The following USPL1 variants were observed in gnomAD, a reference collection of about 807,000 sequenced individuals.
USPL1 encodes the protein ubiquitin specific peptidase like 1, also known as SUMO-specific isopeptidase USPL1.
Under a neutral mutation model 51.5 loss-of-function variants are expected in USPL1, and 27 were observed. The observed-to-expected ratio is 0.52, with a 90% confidence interval of 0.39 to 0.72. The LOEUF (loss-of-function observed/expected upper bound fraction) is 0.72. Among genes scored for constraint, USPL1 ranks in the 30% least tolerant of loss-of-function variants. The pLI, the probability that USPL1 is intolerant of heterozygous loss-of-function variation, is 0.00. For missense variants in USPL1, 1,226 were observed against 1,268.0 expected, an observed-to-expected ratio of 0.97 and a Z score of 0.50; for synonymous variants, 451 against 459.6, an observed-to-expected ratio of 0.98 and a Z score of 0.24.
Position 30,657,644 on chromosome 13 carries a change from C to G in USPL1, c.1567C>G (p.Leu523Val), listed in dbSNP as rs763981752. Residue 523 changes from leucine (L) to valine (V), a missense_variant, in exon 9 of 9, where the codon CTC (leucine) becomes GTC (valine). Physicochemically the swap from Leu to Val is conservative, Grantham distance 32. Transcript: ENST00000255304. ...PLKKTNDQHA[L>V]SNEKPVSLTS... ...TAAAAAGACTAATGACCAACACGCT[C>G]TCAGTAATGAGAAACCAGTATCTTT... 13 of 1,614,170 alleles carry G rather than the reference C, an allele frequency of 8.1e-6. No individual in the cohort carries two copies. The highest frequency in any genetic ancestry group is 1.1e-5 in the South Asian group (1 of 91,080).
Position 30,659,009 on chromosome 13 carries a change from CCTA to C in USPL1, c.2934_2936del (p.Thr979del), listed in dbSNP as rs1951215834. ...AGAAATTTTAGCGGAATTATTGTCT[CCTA>C]CACCTGTTTCAACAGAGCTGTCAGA... is the stretch of plus-strand genomic sequence containing the variant. On this transcript the variant is annotated inframe_deletion, in exon 9 of 9. Transcript: ENST00000255304. 1.2e-6 allele frequency: 2 copies of C among 1,614,164 alleles called. No individual in the cohort carries two copies. Among genetic ancestry groups the C allele is most frequent in the African/African-American group, 2.7e-5 (2 of 75,030 alleles).
Position 30,658,543 on chromosome 13 carries a change from T to G in USPL1, c.2466T>G (p.Pro822=), listed in dbSNP as rs1376039552. 2.5e-6 allele frequency: 4 copies of G among 1,614,022 alleles called. No homozygotes were observed. The highest frequency in any genetic ancestry group is 3.4e-6 in the Non-Finnish European group (4 of 1,179,972). ...SKKARKSASK[P]PPISKPPAGP... ...AAGCTCGTAAGAGTGCAAGTAAGCCTCCTCCCATCAGTAAGCCACCAGCAG... is the reference window on the plus strand; with the variant it reads ...AAGCTCGTAAGAGTGCAAGTAAGCCGCCTCCCATCAGTAAGCCACCAGCAG... Residue 822 remains proline (P), a synonymous_variant, in exon 9 of 9, where the codon CCT becomes CCG. Coordinates refer to ENST00000255304, the MANE Select transcript of USPL1 (RefSeq NM_005800.5).
chr13:30,647,499 C>T (rs138696670), intron 7 of USPL1, among the ~76,000 whole-genome samples: 1 of 152,292 alleles, frequency 6.6e-6, no homozygotes, highest in African/African-American at 2.4e-5. Context: ...ATCTTGAAAG[C>T]TATCTAGTGG....
chr13:30,634,667 G>A (rs1950851781), intron 4 of USPL1, among the ~76,000 whole-genome samples: 1 of 152,120 alleles, frequency 6.6e-6, no homozygotes, highest in African/African-American at 2.4e-5. Flanking sequence ...GTGACCATTT[G>A]GGGGGCAAGT....
chr13:30,655,185 C>T (rs1315731075), intron 8 of USPL1, among the ~76,000 whole-genome samples: 1 of 152,236 alleles, frequency 6.6e-6, no homozygotes, highest in Non-Finnish European at 1.5e-5. Context: ...GACCCACCCG[C>T]CTCGGCCTCC....
intron 3 of USPL1, among the ~76,000 whole-genome samples, chr13:30,622,881 CTTTATG>C (rs1950662702): frequency 6.6e-6 from 1 of 150,616 alleles, no homozygotes; most frequent in African/African-American, 2.4e-5. Context: ...ATATAAATTT[CTTTATG>C]TTTATATTCA....
intron 7 of USPL1, among the ~76,000 whole-genome samples, chr13:30,652,658 T>G (rs1951105568): frequency 6.6e-6 from 1 of 152,228 alleles, no homozygotes; most frequent in Non-Finnish European, 1.5e-5. Context: ...ACAGGCCCCC[T>G]TTGCTTCCTG....
rs762697912 is a variant in USPL1, at chr13:30,621,917, T to A, written c.228+25T>A. On this transcript the variant is annotated intron_variant, in intron 3 of 8. Transcript: ENST00000255304. Reference sequence around the variant, plus strand: ...GGTAAAGTATTAATCTTATATAGTATATATAAGATTTTTCTTTTTTCTTTT... The same window carrying A: ...GGTAAAGTATTAATCTTATATAGTAAATATAAGATTTTTCTTTTTTCTTTT... The A allele has an allele frequency of 5.1e-6, 7 of 1,360,018 alleles. No individual in the cohort carries two copies. In the South Asian group the frequency reaches 9.5e-5, roughly 18 times the overall value. 84.2% of individuals were successfully genotyped at this position (1,360,018 alleles called of 1,614,324 possible).
At chr13:30,624,429 A>G (rs1950683959) in intron 3 of USPL1, among the ~76,000 whole-genome samples, 1 of 152,130 alleles carries the variant, frequency 6.6e-6, no homozygotes, top group Admixed American at 6.5e-5. Flanking sequence ...AGCCCATGCA[A>G]CATAGTGTGG....
At position 30,627,072 on chromosome 13, in the gene USPL1, A is replaced by C. The variant is rs750905781; in HGVS notation, c.229-3763A>C. ...CAAGAATAAGTACAGGAATTTACTTAAGCTGCTCCAAAACTCAGTGAAAGA... is the reference window on the plus strand; with the variant it reads ...CAAGAATAAGTACAGGAATTTACTTCAGCTGCTCCAAAACTCAGTGAAAGA... On this transcript the variant is annotated intron_variant, in intron 3 of 8. Coordinates refer to ENST00000255304, the MANE Select transcript of USPL1 (RefSeq NM_005800.5). 2.0e-5 allele frequency among the ~76,000 whole-genome samples: 3 copies of C among 152,110 alleles called. No individual in the cohort carries two copies. In the East Asian group the frequency reaches 5.8e-4, roughly 29 times the overall value.
chr13:30,625,819 C>T (rs1195866347), intron 3 of USPL1, among the ~76,000 whole-genome samples: 1 of 151,956 alleles, frequency 6.6e-6, no homozygotes, highest in Non-Finnish European at 1.5e-5. Context: ...TAAGTATATA[C>T]TTTGGAAATG....
chr13:30,659,871 T>C lies in USPL1; in HGVS notation c.*515T>C, dbSNP rs76631584. The C allele has an allele frequency of 0.17, 25,538 of 153,050 alleles. 2,697 individuals carry two copies. The highest frequency in any genetic ancestry group is 0.28 in the Middle Eastern group (84 of 296). 9.5% of individuals were successfully genotyped at this position (153,050 alleles called of 1,614,324 possible). ...CAGAAGGAGACCCACAGTGAGCAGC[T>C]CCCCTGTGTCGGCGGGCAGGTCGTC... On this transcript the variant is annotated 3_prime_UTR_variant, in exon 9 of 9. Transcript: ENST00000255304.
intron 3 of USPL1, among the ~76,000 whole-genome samples, chr13:30,627,077 G>T (rs1158157591): frequency 6.6e-6 from 1 of 151,886 alleles, no homozygotes; most frequent in Non-Finnish European, 1.5e-5. Flanking sequence ...TACTTAAGCT[G>T]CTCCAAAACT....
In USPL1 at chr13:30,658,735, T is replaced by C. The variant is rs1340346544; in HGVS notation, c.2658T>C (p.His886=). Residue 886 remains histidine (H), a synonymous_variant, in exon 9 of 9, where the codon CAT becomes CAC. Transcript: ENST00000255304. ...NHEDLVEGQI[H]KLRLKLRKKL... is the part of the protein sequence containing the mutation. ...AAGACTTGGTGGAAGGTCAGATTCA[T>C]AAACTTCGTCTAAAACTTCGTAAAA... The C allele has an allele frequency of 6.2e-7, 1 of 1,614,206 alleles. No homozygotes were observed. Among genetic ancestry groups the C allele is most frequent in the African/African-American group, 1.3e-5 (1 of 75,050 alleles).
intron 4 of USPL1, among the ~76,000 whole-genome samples, chr13:30,633,784 CAAAAAAAAAAAA>C (rs61682331): frequency 1.5e-4 from 6 of 41,264 alleles, no homozygotes; most frequent in African/African-American, 3.6e-4. Context: ...GACTCTGTCT[CAAAAAAAAAAAA>C]AAAAAAAAAA....
Position 30,621,820 on chromosome 13 carries a change from G to A in USPL1, c.156G>A (p.Lys52=). 6.3e-7 allele frequency: 1 copy of A among 1,588,290 alleles called. No individual in the cohort carries two copies. Among genetic ancestry groups the A allele is most frequent in the Non-Finnish European group, 8.6e-7 (1 of 1,169,334 alleles). ...AGTATTGCCCTGCTTGTAGAGAGAA[G>A]GGAAAGTTAAAAGCCTTAAAGACTT... The part of the protein sequence containing the change: ...SDEYCPACRE[K]GKLKALKTYR... The change falls in exon 3 of 9, where the codon AAG becomes AAA. Residue 52 remains lysine, a synonymous_variant. Transcript: ENST00000255304.
Position 30,660,101 on chromosome 13 carries a change from T to C in USPL1, c.*745T>C, listed in dbSNP as rs907264170. 1 of 152,250 alleles carries C rather than the reference T, an allele frequency of 6.6e-6. No individual in the cohort carries two copies. The highest frequency in any genetic ancestry group is 1.5e-5 in the Non-Finnish European group (1 of 68,096). The allele number at this position is 152,250 out of a possible 1,614,324, so 9.4% of individuals were successfully genotyped here. A position where few individuals can be genotyped will look rare whatever the true frequency, so the allele number is the denominator to read the frequency against. On this transcript the variant is annotated 3_prime_UTR_variant, in exon 9 of 9. Coordinates refer to ENST00000255304, the MANE Select transcript of USPL1 (RefSeq NM_005800.5). Reference sequence around the variant, plus strand: ...TGCCGTCTCTACAGGTCTCTGAAGCTCTTAGCAGAGAGGGTAGCTCCTCCC... The same window carrying C: ...TGCCGTCTCTACAGGTCTCTGAAGCCCTTAGCAGAGAGGGTAGCTCCTCCC...
chr13:30,641,966 G>T (rs1950953714), intron 5 of USPL1, among the ~76,000 whole-genome samples: 1 of 151,856 alleles, frequency 6.6e-6, no homozygotes, highest in East Asian at 1.9e-4. Context: ...GTATGCAGCG[G>T]CATGATCATA....
intron 7 of USPL1, among the ~76,000 whole-genome samples, chr13:30,651,513 C>T (rs1003008085): frequency 1.3e-5 from 2 of 152,156 alleles, no homozygotes; most frequent in Non-Finnish European, 2.9e-5. Flanking sequence ...TTATTTATCA[C>T]GTTAATATGT....
Sources: gnomAD v4.1 joint callset for allele counts (sites outside exome capture counted in the v4.1 genomes callset) on GRCh38, gnomAD v4.1.1 for gene constraint, MANE v1.5 for transcripts, NCBI Gene and HGNC (gene_info 2026-07-23, HGNC 2026-07-21) for gene names.